KDM1B: variants seen among roughly 807,000 people sequenced by gnomAD.
The protein encoded by KDM1B is lysine-specific histone demethylase 2.
In KDM1B, 63 loss-of-function variants were observed where a neutral mutation model predicts 107.4. That is an observed-to-expected ratio of 0.59 (90% confidence interval 0.48 to 0.72). KDM1B has a LOEUF of 0.72. Ranked by LOEUF, KDM1B falls within the 30% of genes least tolerant of loss-of-function variation. KDM1B has a pLI of 0.00. For synonymous variants in KDM1B, 363 were observed against 363.9 expected (o/e 1.00, Z 0.03); for missense variants, 749 against 1,020.8 (o/e 0.73, Z 3.63).
intron 9 of KDM1B, among the ~76,000 whole-genome samples, chr6:18,188,559 C>T (rs1340612335): frequency 6.6e-6 from 1 of 152,118 alleles, no homozygotes; most frequent in Non-Finnish European, 1.5e-5. Flanking sequence ...GCGAAATCAC[C>T]TACTCTCAAA....
chr6:18,217,715 CCTTT>C lies in KDM1B; in HGVS notation c.2233-15_2233-12del. 1 of 1,607,580 alleles carries C rather than the reference CCTTT, an allele frequency of 6.2e-7. No homozygotes were observed. The stretch of plus-strand genomic sequence containing the variant: ...CCCTTCTTGATCCTACTTCATAATT[CCTTT>C]CTATTGGACATAGGAGGTCCCAGAT... On this transcript the variant is annotated splice_polypyrimidine_tract_variant and intron_variant, in intron 20 of 21. Transcript: ENST00000650836.
intron 7 of KDM1B, among the ~76,000 whole-genome samples, chr6:18,174,941 G>T (rs1486097528): frequency 1.3e-5 from 2 of 152,172 alleles, no homozygotes; most frequent in African/African-American, 2.4e-5. Flanking sequence ...GAACTGTGCT[G>T]CTATAAACAT....
chr6:18,217,947 G>A (rs1789375550), intron 21 of KDM1B, 62 bp downstream of exon 21: 2 of 1,547,236 alleles, frequency 1.3e-6, no homozygotes, highest in Admixed American at 3.6e-5. Flanking sequence ...CATCTAAAAT[G>A]ATATCTGCCC....
chr6:18,196,128 C>G (rs1787636031), intron 10 of KDM1B, among the ~76,000 whole-genome samples: 1 of 152,174 alleles, frequency 6.6e-6, no homozygotes, highest in African/African-American at 2.4e-5. Flanking sequence ...TAATGTGCTT[C>G]TGGTTCAACC....
intron 7 of KDM1B, among the ~76,000 whole-genome samples, chr6:18,183,406 C>T (rs1786618582): frequency 6.6e-6 from 1 of 151,400 alleles, no homozygotes; most frequent in South Asian, 2.1e-4. Flanking sequence ...TAGCTGGTGC[C>T]CGCCACCACA....
chr6:18,174,579 C>T (rs532038006), intron 7 of KDM1B, among the ~76,000 whole-genome samples: 3 of 152,228 alleles, frequency 2.0e-5, no homozygotes, highest in South Asian at 2.1e-4. Context: ...GTATACACTG[C>T]ACCCTGTTTG....
intron 7 of KDM1B, among the ~76,000 whole-genome samples, chr6:18,179,987 C>G (rs1443689584): frequency 1.3e-5 from 2 of 148,720 alleles, no homozygotes; most frequent in African/African-American, 4.9e-5. Context: ...CCGTAGTCTC[C>G]TGAGTAGCTG....
intron 7 of KDM1B, among the ~76,000 whole-genome samples, chr6:18,181,670 C>CA (rs1423257015): frequency 6.6e-6 from 1 of 152,042 alleles, no homozygotes; most frequent in East Asian, 1.9e-4. Context: ...CTCTTGAGCC[C>CA]ATGAGGTCAA....
chr6:18,159,988 G>A lies in KDM1B; in HGVS notation c.87+6G>A, dbSNP rs1416578980. ...TGAGGAGCTCCGGTAGGCAGGTAGT[G>A]TTCATTTATTCATTCAACAAGCCTT... On this transcript the variant is annotated splice_donor_region_variant and intron_variant, in intron 3 of 21. Coordinates refer to ENST00000650836, the MANE Select transcript of KDM1B (RefSeq NM_001364614.2). This position sits in a 1 kb window ranked among gnomAD's most constrained non-coding sequence, Gnocchi z 4.5. 7 of 1,576,116 alleles carry A rather than the reference G, an allele frequency of 4.4e-6. No individual in the cohort carries two copies. The highest frequency in any genetic ancestry group is 1.2e-5 in the South Asian group (1 of 85,666).
In KDM1B at chr6:18,209,428, C is replaced by G. The variant is rs182937991; in HGVS notation, c.1866+1222C>G. Among the ~76,000 whole-genome samples the G allele has an allele frequency of 3.0e-4, 46 of 152,294 alleles. No homozygotes were observed. The highest frequency in any genetic ancestry group is 1.1e-3 in the African/African-American group (46 of 41,554). Reference sequence around the variant, plus strand: ...AGGACTGCATGTCACATGGGAAAGACAGGTCTAGGGAATGAGTTAGTCGGG... The same window carrying G: ...AGGACTGCATGTCACATGGGAAAGAGAGGTCTAGGGAATGAGTTAGTCGGG... On this transcript the variant is annotated intron_variant, in intron 17 of 21. Coordinates refer to ENST00000650836, the MANE Select transcript of KDM1B (RefSeq NM_001364614.2). This position sits in a 1 kb window ranked among gnomAD's most constrained non-coding sequence, Gnocchi z 4.3.
chr6:18,162,252 C>T lies in KDM1B; in HGVS notation c.216-583C>T, dbSNP rs1283096918. On this transcript the variant is annotated intron_variant, in intron 4 of 21. Coordinates refer to ENST00000650836, the MANE Select transcript of KDM1B (RefSeq NM_001364614.2). The surrounding 1 kb of genome is among the most constrained non-coding windows in gnomAD (Gnocchi z 4.1). ...ATGAGAATCGCTTGAACCCAGGAGG[C>T]AGAGGTTGCAATGAGCCTGAGATCG... 2.6e-5 allele frequency among the ~76,000 whole-genome samples: 4 copies of T among 152,122 alleles called. No individual in the cohort carries two copies. The highest frequency in any genetic ancestry group is 5.9e-5 in the Non-Finnish European group (4 of 68,028).
chr6:18,193,847 A>G lies in KDM1B; in HGVS notation c.969+2466A>G, dbSNP rs116820144. Among the ~76,000 whole-genome samples, 903 of 149,718 alleles carry G rather than the reference A, an allele frequency of 6.0e-3. 6 individuals are homozygous for G. The highest frequency in any genetic ancestry group is 0.021 in the African/African-American group (851 of 40,904). ...CTTTGAAACAGATCAAGGTCATGCCAAGGCTGGGTGAGCAGAGAAAGACAG... is the reference window on the plus strand; with the variant it reads ...CTTTGAAACAGATCAAGGTCATGCCGAGGCTGGGTGAGCAGAGAAAGACAG... On this transcript the variant is annotated intron_variant, in intron 10 of 21. Coordinates refer to ENST00000650836, the MANE Select transcript of KDM1B (RefSeq NM_001364614.2).
Position 18,205,956 on chromosome 6 carries a change from C to T in KDM1B, c.1659+292C>T, listed in dbSNP as rs905437782. Among the ~76,000 whole-genome samples, 1 of 152,052 alleles carries T rather than the reference C, an allele frequency of 6.6e-6. No individual in the cohort carries two copies. The highest frequency in any genetic ancestry group is 2.4e-5 in the African/African-American group (1 of 41,388). The stretch of plus-strand genomic sequence containing the variant: ...GTAGTGAGCTGGGATCGCGCCACTG[C>T]ACTCCAGCCTGGAGTCTCAAAATAA... On this transcript the variant is annotated intron_variant, in intron 15 of 21. Coordinates refer to ENST00000650836, the MANE Select transcript of KDM1B (RefSeq NM_001364614.2). This position sits in a 1 kb window ranked among gnomAD's most constrained non-coding sequence, Gnocchi z 5.7.
rs1423778076 is a variant in KDM1B at position 18,162,681 on chromosome 6, A to G, written c.216-154A>G. Among the ~76,000 whole-genome samples the G allele has an allele frequency of 1.3e-5, 2 of 152,122 alleles. No homozygotes were observed. Among genetic ancestry groups the G allele is most frequent in the African/African-American group, 4.8e-5 (2 of 41,412 alleles). ...GCATCCTTCCTGTGTGTTATTATCT[A>G]CTAGTAATCCATTCCTGTTTCCCCT... is the stretch of plus-strand genomic sequence containing the variant. On this transcript the variant is annotated intron_variant, in intron 4 of 21. Coordinates refer to ENST00000650836, the MANE Select transcript of KDM1B (RefSeq NM_001364614.2). The surrounding 1 kb of genome is among the most constrained non-coding windows in gnomAD (Gnocchi z 4.1).
intron 21 of KDM1B, among the ~76,000 whole-genome samples, chr6:18,221,539 T>G (rs1291688055): frequency 1.3e-5 from 2 of 152,202 alleles, no homozygotes; most frequent in Non-Finnish European, 2.9e-5. Context: ...CTAGCAAAAG[T>G]CCATCTGTGG....
In KDM1B at chr6:18,162,271, GA is replaced by G. The variant is rs931470183; in HGVS notation, c.216-563del. Among the ~76,000 whole-genome samples the G allele has an allele frequency of 2.0e-5, 3 of 152,152 alleles. No homozygotes were observed. Among genetic ancestry groups the G allele is most frequent in the Admixed American group, 6.5e-5 (1 of 15,274 alleles). On this transcript the variant is annotated intron_variant, in intron 4 of 21. Transcript: ENST00000650836. This position sits in a 1 kb window ranked among gnomAD's most constrained non-coding sequence, Gnocchi z 4.1. ...AGGAGGCAGAGGTTGCAATGAGCCT[GA>G]GATCGTGCCACTGTACTCCAGCCTG...
rs1273586543 is a variant in KDM1B at position 18,222,142 on chromosome 6, C to T, written c.*150C>T. On this transcript the variant is annotated 3_prime_UTR_variant, in exon 22 of 22. Transcript: ENST00000650836. ...GCGATATGATAATGCAAACCTATTT[C>T]ATCACTCTAAAAGCACTGACCTCAA... 6 of 764,532 alleles carry T rather than the reference C, an allele frequency of 7.8e-6. No homozygotes were observed. The highest frequency in any genetic ancestry group is 2.7e-5 in the East Asian group (1 of 37,462). 47.4% of individuals were successfully genotyped at this position (764,532 alleles called of 1,614,324 possible).
rs1788198602 is a variant in KDM1B, at chr6:18,203,790, T to C, written c.1532-1747T>C. Among the ~76,000 whole-genome samples the C allele has an allele frequency of 6.7e-6, 1 of 150,356 alleles. No homozygotes were observed. The highest frequency in any genetic ancestry group is 6.7e-5 in the Admixed American group (1 of 15,008). On this transcript the variant is annotated intron_variant, in intron 14 of 21. Coordinates refer to ENST00000650836, the MANE Select transcript of KDM1B (RefSeq NM_001364614.2). The surrounding 1 kb of genome is among the most constrained non-coding windows in gnomAD (Gnocchi z 5.5). ...ATCACTTGAACCTGGGAGGCAGAGG[T>C]TGCAGTGAGACAAGATCAGGCCATT...
rs776549689 is a variant in KDM1B at position 18,215,049 on chromosome 6, G to C, written c.2152G>C (p.Val718Leu). 3 of 1,613,910 alleles carry C rather than the reference G, an allele frequency of 1.9e-6. No individual in the cohort carries two copies. In the East Asian group the frequency reaches 6.7e-5, roughly 36 times the overall value. The change falls in exon 20 of 22, where the codon GTC becomes CTC. Residue 718 changes from valine to leucine, a missense_variant. Transcript: ENST00000650836. ...VLMSVIAGEA[V>L]ASVRTLDDKQ... The stretch of plus-strand genomic sequence containing the variant: ...GATGTCTGTGATTGCCGGGGAGGCT[G>C]TCGCATCCGTGAGGACCCTGGATGA...
Sources: gnomAD v4.1 joint callset for allele counts (sites outside exome capture counted in the v4.1 genomes callset) on GRCh38, gnomAD v4.1.1 for gene constraint, Gnocchi (gnomAD v3.1) non-coding constraint, MANE v1.5 for transcripts, NCBI Gene and HGNC (gene_info 2026-07-23, HGNC 2026-07-21) for gene names.